CPNE8: variants seen among roughly 807,000 people sequenced by gnomAD.
CPNE8 encodes copine 8.
In CPNE8, 45 loss-of-function variants were observed where a neutral mutation model predicts 81.5. The ratio of observed to expected loss-of-function variants is 0.55; its 90% CI spans 0.44 to 0.71. The LOEUF is 0.71. Among genes scored for constraint, CPNE8 ranks in the 30% least tolerant of loss-of-function variants. The pLI, the probability that CPNE8 is intolerant of heterozygous loss-of-function variation, is 0.00. For synonymous variants in CPNE8, 252 were observed against 226.3 expected, an observed-to-expected ratio of 1.11 and a Z score of -1.02; for missense variants, 594 against 672.1, an observed-to-expected ratio of 0.88 and a Z score of 1.28.
intron 6 of CPNE8, among the ~76,000 whole-genome samples, chr12:38,823,295 T>C (rs1384993381): frequency 6.6e-6 from 1 of 152,172 alleles, no homozygotes; most frequent in Non-Finnish European, 1.5e-5. Context: ...TCTGTCTCTG[T>C]CCTTGAACCC....
chr12:38,677,008 T>C (rs1939304969), intron 17 of CPNE8, among the ~76,000 whole-genome samples: 1 of 151,766 alleles, frequency 6.6e-6, no homozygotes, highest in Non-Finnish European at 1.5e-5. Context: ...AAAAAAAACA[T>C]ACAATTAGGA....
chr12:38,793,800 C>T lies in CPNE8; in HGVS notation c.408-17499G>A, dbSNP rs961486231. Among the ~76,000 whole-genome samples, 4 of 151,922 alleles carry T rather than the reference C, an allele frequency of 2.6e-5. 1 individual carries two copies. The South Asian group carries it at 8.3e-4, about 31-fold the overall frequency. On this transcript the variant is annotated intron_variant, in intron 6 of 19. Transcript: ENST00000331366. ...GAAACAGTAGAATGAAATTAGAAAA[C>T]TCACACTTCAAGATTTCAAAGCATA...
chr12:38,898,746 C>T (rs930177024), intron 1 of CPNE8, among the ~76,000 whole-genome samples: 1 of 152,200 alleles, frequency 6.6e-6, no homozygotes, highest in African/African-American at 2.4e-5. Context: ...ATTCCTTTCA[C>T]CGCAGATCAT....
At chr12:38,847,390 G>A (rs1173540048) in intron 4 of CPNE8, among the ~76,000 whole-genome samples, 2 of 152,134 alleles carry the variant, frequency 1.3e-5, no homozygotes, top group East Asian at 1.9e-4. Flanking sequence ...AGAATAATGG[G>A]AGAATTCAAC....
intron 19 of CPNE8, among the ~76,000 whole-genome samples, chr12:38,655,687 G>T (rs1328330429): frequency 2.0e-5 from 3 of 152,034 alleles, no homozygotes; most frequent in South Asian, 2.1e-4. Context: ...AAAATGATCA[G>T]GTTGCTACAG....
At chr12:38,752,384 A>G (rs1196999429) in intron 10 of CPNE8, among the ~76,000 whole-genome samples, 1 of 152,190 alleles carries the variant, frequency 6.6e-6, no homozygotes, top group Non-Finnish European at 1.5e-5. Context: ...ACTGATAATT[A>G]GTCACTGCTC....
At chr12:38,904,653 G>A (rs1161935067) in intron 1 of CPNE8, among the ~76,000 whole-genome samples, 1 of 152,002 alleles carries the variant, frequency 6.6e-6, no homozygotes, top group Non-Finnish European at 1.5e-5. Flanking sequence ...ATTTTTAGTA[G>A]AGACGGAGTT....
intron 10 of CPNE8, among the ~76,000 whole-genome samples, chr12:38,740,723 C>A (rs1372387539): frequency 2.0e-5 from 3 of 152,166 alleles, no homozygotes; most frequent in African/African-American, 7.2e-5. Context: ...ACCAGCCTTG[C>A]ATCCCAGGGA....
At chr12:38,707,996 C>T (rs1038326014) in intron 13 of CPNE8, among the ~76,000 whole-genome samples, 15 of 152,168 alleles carry the variant, frequency 9.9e-5, no homozygotes, top group Non-Finnish European at 2.1e-4. Context: ...TGTTCAATGA[C>T]AAAGATAGCA....
chr12:38,831,215 A>G (rs1474318904), intron 5 of CPNE8, among the ~76,000 whole-genome samples: 2 of 152,192 alleles, frequency 1.3e-5, no homozygotes, highest in African/African-American at 4.8e-5. Flanking sequence ...GAAGGACTCA[A>G]GTAAAAAGCA....
chr12:38,801,769 C>T (rs1157155199), intron 6 of CPNE8, among the ~76,000 whole-genome samples: 2 of 96,192 alleles, frequency 2.1e-5, no homozygotes, highest in South Asian at 5.4e-4. Flanking sequence ...ACCCATCTCA[C>T]GTGCAGAGAC....
At chr12:38,654,514 C>CAAAAAAAA (rs71068569) in intron 19 of CPNE8, among the ~76,000 whole-genome samples, 23 of 97,590 alleles carry the variant, frequency 2.4e-4, no homozygotes, top group African/African-American at 7.8e-4. Flanking sequence ...GACTCTGTCT[C>CAAAAAAAA]AAAAAAAAAA....
chr12:38,732,244 G>A (rs1940849196), intron 10 of CPNE8, among the ~76,000 whole-genome samples: 1 of 151,866 alleles, frequency 6.6e-6, no homozygotes, highest in African/African-American at 2.4e-5. Context: ...GCCACACAAT[G>A]CTTATCAAAA....
rs1939157544 is a variant in CPNE8 at position 38,670,768 on chromosome 12, G to A, written c.1467C>T (p.Val489=). The A allele has an allele frequency of 6.2e-7, 1 of 1,609,940 alleles. No homozygotes were observed. Among genetic ancestry groups the A allele is most frequent in the East Asian group, 2.2e-5 (1 of 44,562 alleles). Residue 489 remains valine, a synonymous_variant, in exon 19 of 20, where the codon GTC becomes GTT. Coordinates refer to ENST00000331366, the MANE Select transcript of CPNE8 (RefSeq NM_153634.3). ...MVELDGDDVR[V]SSRGKYAERD... ...TTTCAGCATATTTTCCTCTAGAGGA[G>A]ACTCTTACATCATCTCCATCCAATT... is the stretch of plus-strand genomic sequence containing the variant.
At chr12:38,787,421 C>A (rs1592087976) in intron 6 of CPNE8, among the ~76,000 whole-genome samples, 1 of 146,570 alleles carries the variant, frequency 6.8e-6, no homozygotes. Context: ...GGAAGCACAA[C>A]ATATCAAACC....
intron 4 of CPNE8, among the ~76,000 whole-genome samples, chr12:38,845,617 T>TATAA (rs1555167264): frequency 6.6e-6 from 1 of 151,978 alleles, no homozygotes; most frequent in Non-Finnish European, 1.5e-5. Flanking sequence ...TATATATATA[T>TATAA]AACTCGTGAA....
At chr12:38,786,757 T>G (rs1181167873) in intron 6 of CPNE8, among the ~76,000 whole-genome samples, 1 of 152,002 alleles carries the variant, frequency 6.6e-6, no homozygotes, top group Non-Finnish European at 1.5e-5. Flanking sequence ...GGTCACTATA[T>G]AAAGATAAAG....
At chr12:38,892,963 T>C (rs943911181) in intron 1 of CPNE8, among the ~76,000 whole-genome samples, 1 of 152,042 alleles carries the variant, frequency 6.6e-6, no homozygotes, top group East Asian at 1.9e-4. Context: ...GACGTTGAAA[T>C]AGCAAGTAGT....
At chr12:38,791,013 C>A (rs568962942) in intron 6 of CPNE8, among the ~76,000 whole-genome samples, 57 of 151,784 alleles carry the variant, frequency 3.8e-4, no homozygotes, top group Non-Finnish European at 7.2e-4. Flanking sequence ...CAGACTAGTA[C>A]CCATTTAATT....
Sources: allele counts gnomAD v4.1 joint callset (sites outside exome capture counted in the v4.1 genomes callset), GRCh38; gene constraint gnomAD v4.1.1; transcripts MANE v1.5; gene names NCBI Gene and HGNC (gene_info 2026-07-23, HGNC 2026-07-21).